Variants in KIAA1217 observed in about 807,000 individuals in gnomAD.
The protein encoded by KIAA1217 is sickle tail protein homolog.
Under a neutral mutation model 163.9 loss-of-function variants are expected in KIAA1217, and 88 were observed. The observed-to-expected ratio is 0.54, with a 90% CI of 0.45 to 0.64. The LOEUF (loss-of-function observed/expected upper bound fraction) is 0.64. KIAA1217 is among the 30% of genes least tolerant of loss of function. KIAA1217 has a pLI of 0.00. For synonymous variants in KIAA1217, 903 were observed against 923.1 expected, an observed-to-expected ratio of 0.98 and a Z score of 0.39; for missense variants, 2,372 against 2,475.0, an observed-to-expected ratio of 0.96 and a Z score of 0.88.
chr10:24,045,860 G>C (rs1427536306), intron 2 of KIAA1217, among the ~76,000 whole-genome samples: 1 of 152,088 alleles, frequency 6.6e-6, no homozygotes, highest in Non-Finnish European at 1.5e-5. Flanking sequence ...GAACAGAAGA[G>C]CCTGGCAATC....
chr10:24,075,834 C>T (rs192466911), intron 2 of KIAA1217, among the ~76,000 whole-genome samples: 2 of 152,240 alleles, frequency 1.3e-5, no homozygotes, highest in East Asian at 3.9e-4. Flanking sequence ...GAACTCCTGA[C>T]CTCAAGTAAT....
intron 2 of KIAA1217, among the ~76,000 whole-genome samples, chr10:24,089,085 A>G (rs1347233188): frequency 8.0e-6 from 1 of 125,344 alleles, no homozygotes; most frequent in African/African-American, 2.5e-5. Flanking sequence ...TGCCTGCATA[A>G]ATGTCTTCTT....
At chr10:23,849,902 T>G (rs1005827110) in intron 1 of KIAA1217, among the ~76,000 whole-genome samples, 1 of 152,040 alleles carries the variant, frequency 6.6e-6, no homozygotes, top group African/African-American at 2.4e-5. Context: ...TTCCAGGTAC[T>G]TATAAACATT....
intron 5 of KIAA1217, 84 bp downstream of exon 5, chr10:24,438,563 CT>C (rs2060246036): frequency 1.1e-6 from 1 of 901,940 alleles, no homozygotes; most frequent in African/African-American, 1.6e-5. Flanking sequence ...GTAATCAGAA[CT>C]CTACAACTGA....
At chr10:24,238,171 A>G (rs2072546631) in intron 2 of KIAA1217, among the ~76,000 whole-genome samples, 1 of 152,232 alleles carries the variant, frequency 6.6e-6, no homozygotes, top group Non-Finnish European at 1.5e-5. Context: ...AAAACTCTGC[A>G]GTGTCACATC....
chr10:24,170,514 G>A (rs1186732154), intron 2 of KIAA1217, among the ~76,000 whole-genome samples: 1 of 152,114 alleles, frequency 6.6e-6, no homozygotes, highest in African/African-American at 2.4e-5. Context: ...CTGAGGGGAG[G>A]CTCTTTGACA....
At position 23,736,395 on chromosome 10, in the gene KIAA1217, C is replaced by T. The variant is rs995522479; in HGVS notation, c.-321+41161C>T. On this transcript the variant is annotated intron_variant, in intron 1 of 18. Transcript: ENST00000376462. ...TCCCTTTTCATGTGATCTCCAGTGC[C>T]GCCTTTGCCAAACATCAAGTTTTCC... 7.9e-5 allele frequency among the ~76,000 whole-genome samples: 12 copies of T among 152,248 alleles called. No individual in the cohort carries two copies. In the South Asian group the frequency reaches 1.7e-3, roughly 21 times the overall value.
chr10:23,722,131 T>C (rs577261670), intron 1 of KIAA1217, among the ~76,000 whole-genome samples: 1 of 152,262 alleles, frequency 6.6e-6, no homozygotes, highest in Admixed American at 6.5e-5. Flanking sequence ...TATGAGTTAC[T>C]TAGAGTAGTC....
At chr10:24,302,697 G>C (rs1197603515) in intron 2 of KIAA1217, among the ~76,000 whole-genome samples, 2 of 152,076 alleles carry the variant, frequency 1.3e-5, no homozygotes, top group African/African-American at 4.8e-5. Flanking sequence ...AAAAAAATAA[G>C]ACAGTGTAAG....
At chr10:24,526,528 A>G (rs1189087220) in intron 13 of KIAA1217, among the ~76,000 whole-genome samples, 1 of 152,158 alleles carries the variant, frequency 6.6e-6, no homozygotes, top group East Asian at 1.9e-4. Flanking sequence ...TCTGTTGAGA[A>G]CCTAGTGGGC....
chr10:24,328,045 AACT>A (rs946484783), intron 2 of KIAA1217, among the ~76,000 whole-genome samples: 10 of 152,256 alleles, frequency 6.6e-5, no homozygotes, highest in East Asian at 5.8e-4. Context: ...ACCCAGGCTG[AACT>A]ACTCAGCAGT....
At chr10:23,815,866 G>A (rs1325112521) in intron 1 of KIAA1217, among the ~76,000 whole-genome samples, 1 of 152,016 alleles carries the variant, frequency 6.6e-6, no homozygotes, top group African/African-American at 2.4e-5. Flanking sequence ...TTCTTTTGGT[G>A]TTTGGAAAAT....
At chr10:24,506,154 C>T (rs963649139) in intron 9 of KIAA1217, among the ~76,000 whole-genome samples, 3 of 152,178 alleles carry the variant, frequency 2.0e-5, no homozygotes, top group African/African-American at 7.2e-5. Flanking sequence ...ATAGCTGTGA[C>T]CAGGCATCCC....
intron 1 of KIAA1217, among the ~76,000 whole-genome samples, chr10:23,947,188 T>C (rs1406235537): frequency 6.6e-6 from 1 of 152,210 alleles, no homozygotes; most frequent in African/African-American, 2.4e-5. Context: ...TATGTCTTTA[T>C]TAGGAGCATG....
intron 1 of KIAA1217, among the ~76,000 whole-genome samples, chr10:23,800,180 A>G (rs1046789006): frequency 2.6e-5 from 4 of 152,206 alleles, no homozygotes; most frequent in African/African-American, 9.7e-5. Flanking sequence ...AGCAAATAGC[A>G]TAATAGGAAA....
At chr10:24,510,771 C>T (rs572089058) in intron 9 of KIAA1217, among the ~76,000 whole-genome samples, 3 of 152,224 alleles carry the variant, frequency 2.0e-5, no homozygotes, top group South Asian at 2.1e-4. Context: ...GACCTGTAGC[C>T]CTGCCACATC....
At chr10:24,133,767 A>G (rs189023601) in intron 2 of KIAA1217, among the ~76,000 whole-genome samples, 190 of 152,320 alleles carry the variant, frequency 1.2e-3, no homozygotes, top group African/African-American at 4.4e-3. Context: ...AAATGATGAA[A>G]TGTTAGCTTT....
At chr10:24,066,889 CATTT>C (rs765674090) in intron 2 of KIAA1217, among the ~76,000 whole-genome samples, 2 of 152,100 alleles carry the variant, frequency 1.3e-5, no homozygotes, top group African/African-American at 2.4e-5. Flanking sequence ...TCATTTCATT[CATTT>C]TGTCTTCCAT....
chr10:23,781,578 T>C (rs114482666), intron 1 of KIAA1217, among the ~76,000 whole-genome samples: 1 of 152,338 alleles, frequency 6.6e-6, no homozygotes, highest in African/African-American at 2.4e-5. Flanking sequence ...GTGCAGAAGT[T>C]TTTTAGTTTG....
Sources: gnomAD v4.1 joint callset for allele counts (sites outside exome capture counted in the v4.1 genomes callset) on GRCh38, gnomAD v4.1.1 for gene constraint, MANE v1.5 for transcripts, NCBI Gene and HGNC (gene_info 2026-07-23, HGNC 2026-07-21) for gene names.